Variants in RGS6 observed in about 807,000 individuals in gnomAD.
The protein encoded by RGS6 is regulator of G protein signaling 6.
A neutral mutation model predicts 78.5 loss-of-function variants in RGS6; 30 were observed. The ratio of observed to expected loss-of-function variants is 0.38; its 90% CI spans 0.29 to 0.52. The LOEUF is 0.52. Ranked by LOEUF, RGS6 falls within the 20% of genes least tolerant of loss-of-function variation. The pLI is 0.85. For synonymous variants in RGS6, 206 were observed against 206.0 expected (o/e 1.00, Z 0.00); for missense variants, 495 against 609.7 (o/e 0.81, Z 1.98).
At chr14:72,330,993 TAGAC>T (rs2074894057) in intron 2 of RGS6, among the ~76,000 whole-genome samples, 1 of 152,152 alleles carries the variant, frequency 6.6e-6, no homozygotes, top group Non-Finnish European at 1.5e-5. Flanking sequence ...ATTGACAACA[TAGAC>T]AGAGCATCTG....
intron 15 of RGS6, among the ~76,000 whole-genome samples, chr14:72,526,629 A>G (rs1304081719): frequency 1.3e-5 from 2 of 152,234 alleles, no homozygotes; most frequent in Non-Finnish European, 2.9e-5. Context: ...ATGATGCCTT[A>G]TGTGGAAACA....
intron 12 of RGS6, among the ~76,000 whole-genome samples, chr14:72,485,875 G>A (rs1043837858): frequency 6.6e-6 from 1 of 152,140 alleles, no homozygotes; most frequent in African/African-American, 2.4e-5. Flanking sequence ...TGACAGACAT[G>A]TGTTAGGAAA....
chr14:72,153,127 G>A (rs1236893321), intron 2 of RGS6, among the ~76,000 whole-genome samples: 1 of 152,134 alleles, frequency 6.6e-6, no homozygotes, highest in Non-Finnish European at 1.5e-5. Flanking sequence ...ACAGGAGTGG[G>A]AAATTATCCC....
intron 3 of RGS6, among the ~76,000 whole-genome samples, chr14:72,388,956 G>A (rs544744693): frequency 3.5e-4 from 52 of 150,112 alleles, no homozygotes; most frequent in Non-Finnish European, 6.5e-4. Flanking sequence ...CCCATTATTA[G>A]TAGTAGTAGT....
At chr14:71,967,426 A>C (rs929101257) in intron 2 of RGS6, among the ~76,000 whole-genome samples, 3 of 152,116 alleles carry the variant, frequency 2.0e-5, no homozygotes, top group Non-Finnish European at 4.4e-5. Flanking sequence ...TTTTGGCTAC[A>C]ACCAAGAACT....
intron 2 of RGS6, among the ~76,000 whole-genome samples, chr14:72,136,544 C>A (rs994207784): frequency 9.2e-5 from 14 of 151,992 alleles, no homozygotes; most frequent in Admixed American, 9.2e-4. Context: ...AAAGGAGAAA[C>A]CCCTTATAAA....
chr14:71,968,389 A>G (rs534049284), intron 2 of RGS6, among the ~76,000 whole-genome samples: 1 of 152,320 alleles, frequency 6.6e-6, no homozygotes, highest in East Asian at 1.9e-4. Context: ...ATCCAGACAT[A>G]GTATGTGTTG....
At chr14:72,550,325 G>GA (rs1266893493) in intron 17 of RGS6, 2 of 727,186 alleles carry the variant, frequency 2.8e-6, no homozygotes, top group Admixed American at 2.0e-5. Context: ...AGAGGTGGGG[G>GA]AGAGGGAAGG....
At chr14:71,911,877 A>G in the RGS6 span, among the ~76,000 whole-genome samples, 1 of 152,218 alleles carries the variant, frequency 6.6e-6, no homozygotes, top group Non-Finnish European at 1.5e-5. Context: ...AAGCATATAT[A>G]TTCAACAGAT....
rs191607358 is a variant in RGS6 at position 72,500,648 on chromosome 14, C to T, written c.965+5386C>T. Among the ~76,000 whole-genome samples, 68 of 152,314 alleles carry T rather than the reference C, an allele frequency of 4.5e-4. 1 individual carries two copies. Among genetic ancestry groups the T allele is most frequent in the African/African-American group, 1.3e-3 (54 of 41,586 alleles). On this transcript the variant is annotated intron_variant, in intron 13 of 17. Coordinates refer to ENST00000553525, the MANE Select transcript of RGS6 (RefSeq NM_001204424.2). ...CCTTGCTTGGCAAAGGACATTAAGCCACTTGGGGCAGAAGGTAAGGCCCTA... is the reference window on the plus strand; with the variant it reads ...CCTTGCTTGGCAAAGGACATTAAGCTACTTGGGGCAGAAGGTAAGGCCCTA...
At chr14:72,527,341 A>G (rs996018880) in intron 15 of RGS6, among the ~76,000 whole-genome samples, 7 of 152,228 alleles carry the variant, frequency 4.6e-5, no homozygotes, top group Non-Finnish European at 1.5e-5. Context: ...TTGGGACCCA[A>G]GTAAAGGACA....
At position 72,249,540 on chromosome 14, in the gene RGS6, A is replaced by G. The variant is rs553159251; in HGVS notation, c.85-102555A>G. 2.6e-4 allele frequency among the ~76,000 whole-genome samples: 39 copies of G among 152,304 alleles called. 1 individual carries two copies. The South Asian group carries it at 7.7e-3, about 30-fold the overall frequency. On this transcript the variant is annotated intron_variant, in intron 2 of 17. Coordinates refer to ENST00000553525, the MANE Select transcript of RGS6 (RefSeq NM_001204424.2). ...GATGGGCATATTCTGGTTTCCTACAATCATATGTTGGGATGACATGTCCTG... is the reference window on the plus strand; with the variant it reads ...GATGGGCATATTCTGGTTTCCTACAGTCATATGTTGGGATGACATGTCCTG...
intron 2 of RGS6, among the ~76,000 whole-genome samples, chr14:72,223,166 C>A (rs186946576): frequency 1.2e-4 from 18 of 152,220 alleles, no homozygotes; most frequent in Admixed American, 9.2e-4. Flanking sequence ...AACAAATGAT[C>A]AGTCTGTAAG....
intron 2 of RGS6, among the ~76,000 whole-genome samples, chr14:72,161,173 T>C (rs117004430): frequency 6.6e-6 from 1 of 152,240 alleles, no homozygotes; most frequent in East Asian, 1.9e-4. Flanking sequence ...TTCTCACTCA[T>C]AAGTTGAACA....
chr14:72,227,216 A>G (rs1407742269), intron 2 of RGS6, among the ~76,000 whole-genome samples: 1 of 152,230 alleles, frequency 6.6e-6, no homozygotes, highest in Non-Finnish European at 1.5e-5. Context: ...CTTTATTTTG[A>G]TAATAGGAGA....
chr14:72,588,330 G>T, the RGS6 span, among the ~76,000 whole-genome samples: 1 of 152,144 alleles, frequency 6.6e-6, no homozygotes, highest in Non-Finnish European at 1.5e-5. Context: ...GAAAGACCTG[G>T]GAGGGACTGT....
At chr14:71,917,948 C>T in the RGS6 span, among the ~76,000 whole-genome samples, 2 of 151,796 alleles carry the variant, frequency 1.3e-5, no homozygotes, top group South Asian at 2.1e-4. Context: ...CCGAGACGGG[C>T]GCATCACGAG....
intron 1 of RGS6, among the ~76,000 whole-genome samples, chr14:71,946,364 C>T (rs1031277916): frequency 1.2e-4 from 19 of 152,148 alleles, no homozygotes; most frequent in African/African-American, 4.3e-4. Flanking sequence ...AATGGGGTTG[C>T]GGGGGCGGGA....
intron 3 of RGS6, among the ~76,000 whole-genome samples, chr14:72,397,065 T>A (rs978855157): frequency 6.6e-6 from 1 of 152,192 alleles, no homozygotes; most frequent in African/African-American, 2.4e-5. Context: ...TAAAGTAGTT[T>A]TTTCCAATTC....
Sources: allele counts gnomAD v4.1 joint callset (sites outside exome capture counted in the v4.1 genomes callset), GRCh38; gene constraint gnomAD v4.1.1; transcripts MANE v1.5; gene names NCBI Gene and HGNC (gene_info 2026-07-23, HGNC 2026-07-21).